Variants in POMT1 observed in about 807,000 individuals in gnomAD.
POMT1 encodes protein O-mannosyl-transferase 1.
In POMT1, 85 loss-of-function variants were observed where a neutral mutation model predicts 101.6. That is an observed-to-expected ratio of 0.84 (90% CI 0.70 to 1.00). The LOEUF is 1.00. Ranked by LOEUF, POMT1 falls within the 50% of genes least tolerant of loss-of-function variation. POMT1 has a pLI of 0.00. For synonymous variants in POMT1, 371 were observed against 383.0 expected, an observed-to-expected ratio of 0.97 and a Z score of 0.37; for missense variants, 857 against 930.4, an observed-to-expected ratio of 0.92 and a Z score of 1.03.
Position 131,509,772 on chromosome 9 carries a change from T to C in POMT1, c.569T>C (p.Leu190Pro). The change falls in exon 7 of 20, where the codon CTA (leucine) becomes CCA (proline). Residue 190 changes from leucine (L) to proline (P), a missense_variant. Physicochemically the swap from Leu to Pro is moderately conservative, Grantham distance 98. Coordinates refer to ENST00000402686, the MANE Select transcript of POMT1 (RefSeq NM_001077365.2). ...SPFSLSWWFWLTLTGVACSCA... is the reference protein window; with the variant it reads ...SPFSLSWWFWPTLTGVACSCA... ...TTTTCTCTGAGCTGGTGGTTCTGGC[T>C]AACACTGACAGGGGTCGCTTGTTCC... The C allele has an allele frequency of 6.2e-7, 1 of 1,614,258 alleles. No homozygotes were observed. The highest frequency in any genetic ancestry group is 8.5e-7 in the Non-Finnish European group (1 of 1,180,040).
intron 13 of POMT1, chr9:131,518,086 G>A (rs1465488423): frequency 1.3e-5 from 5 of 377,742 alleles, no homozygotes; most frequent in South Asian, 2.1e-5. Flanking sequence ...AGCTGTCTGC[G>A]AGTCCTGCCA....
At position 131,519,989 on chromosome 9, in the gene POMT1, C is replaced by CA; in HGVS notation, c.1585-89dup. 1.0e-6 allele frequency: 1 copy of CA among 957,288 alleles called. No homozygotes were observed. Among genetic ancestry groups the CA allele is most frequent in the Admixed American group, 1.9e-5 (1 of 51,858 alleles). 59.3% of individuals were successfully genotyped at this position (957,288 alleles called of 1,614,324 possible). ...AACTTGAGCTGGGCCAGTCCACGTG[C>CA]AAGGGGCAGCAGTGTACTCCTTTGA... On this transcript the variant is annotated intron_variant, in intron 16 of 19. Transcript: ENST00000402686. This position sits in a 1 kb window ranked among gnomAD's most constrained non-coding sequence, Gnocchi z 4.3.
chr9:131,515,439 G>GC lies in POMT1; in HGVS notation c.1195dup (p.Leu399ProfsTer13), dbSNP rs749018170. 1.5e-5 allele frequency: 25 copies of GC among 1,614,036 alleles called. No homozygotes were observed. Among genetic ancestry groups the GC allele is most frequent in the Non-Finnish European group, 1.5e-5 (18 of 1,179,998 alleles). On this transcript the variant is annotated frameshift_variant, in exon 13 of 20. Coordinates refer to ENST00000402686, the MANE Select transcript of POMT1 (RefSeq NM_001077365.2). LOFTEE classifies it high-confidence loss of function. ...TTGGTTTTCCAGGCATGATGTTGCAGCCCCCCTGAGCCCCCATTCACAGGA... is the reference window on the plus strand; with the variant it reads ...TTGGTTTTCCAGGCATGATGTTGCAGCCCCCCCTGAGCCCCCATTCACAGGA...
chr9:131,512,587 A>C (rs933470680), intron 11 of POMT1, among the ~76,000 whole-genome samples: 8 of 152,130 alleles, frequency 5.3e-5, no homozygotes, highest in African/African-American at 1.7e-4. Context: ...CAGCACCTGC[A>C]GCCCGAGTGG....
At position 131,522,316 on chromosome 9, in the gene POMT1, C is replaced by A; in HGVS notation, c.2003+92C>A. Reference sequence around the variant, plus strand: ...CAAACACATGGGGTGCAGCGAACCTCACCCATTTCACGTTACACTGACATC... The same window carrying A: ...CAAACACATGGGGTGCAGCGAACCTAACCCATTTCACGTTACACTGACATC... On this transcript the variant is annotated intron_variant, in intron 19 of 19. Transcript: ENST00000402686. This position sits in a 1 kb window ranked among gnomAD's most constrained non-coding sequence, Gnocchi z 5.5. 1 of 1,578,412 alleles carries A rather than the reference C, an allele frequency of 6.3e-7. No individual in the cohort carries two copies. Among genetic ancestry groups the A allele is most frequent in the South Asian group, 1.1e-5 (1 of 88,752 alleles).
chr9:131,523,399 G>A lies in POMT1; in HGVS notation c.*293G>A, dbSNP rs1027392501. 10 of 408,794 alleles carry A rather than the reference G, an allele frequency of 2.4e-5. No individual in the cohort carries two copies. The highest frequency in any genetic ancestry group is 7.4e-4 in the Middle Eastern group (1 of 1,354). 25.3% of individuals were successfully genotyped at this position (408,794 alleles called of 1,614,324 possible). A position where few individuals can be genotyped will look rare whatever the true frequency, so the allele number is the denominator to read the frequency against. ...TAGGAGTCATTGACAACAAAAAGCC[G>A]AGAACCCAGGGCCAGCAGTGGAGCC... On this transcript the variant is annotated 3_prime_UTR_variant, in exon 20 of 20. Transcript: ENST00000402686.
chr9:131,504,792 T>TG (rs71372738), intron 2 of POMT1, among the ~76,000 whole-genome samples: 5 of 151,112 alleles, frequency 3.3e-5, no homozygotes, highest in African/African-American at 9.7e-5. Context: ...TGTGTGTGTG[T>TG]TTTTGAGACG....
Position 131,523,541 on chromosome 9 carries a change from C to T in POMT1, c.*435C>T, listed in dbSNP as rs758471212. On this transcript the variant is annotated 3_prime_UTR_variant, in exon 20 of 20. Coordinates refer to ENST00000402686, the MANE Select transcript of POMT1 (RefSeq NM_001077365.2). ...GAGCAAGTCCCGGCCCTGCCCTCAG[C>T]GAGCCCGGCAGGCGTCCTGGGACAG... 6 of 268,000 alleles carry T rather than the reference C, an allele frequency of 2.2e-5. No individual in the cohort carries two copies. Among genetic ancestry groups the T allele is most frequent in the Admixed American group, 4.8e-5 (1 of 20,624 alleles). 16.6% of individuals were successfully genotyped at this position (268,000 alleles called of 1,614,324 possible). A position where few individuals can be genotyped will look rare whatever the true frequency, so the allele number is the denominator to read the frequency against.
chr9:131,519,986 G>T lies in POMT1; in HGVS notation c.1585-94G>T. On this transcript the variant is annotated intron_variant, in intron 16 of 19. Transcript: ENST00000402686. The surrounding 1 kb of genome is among the most constrained non-coding windows in gnomAD (Gnocchi z 4.3). The stretch of plus-strand genomic sequence containing the variant: ...ATGAACTTGAGCTGGGCCAGTCCAC[G>T]TGCAAGGGGCAGCAGTGTACTCCTT... 1 of 931,432 alleles carries T rather than the reference G, an allele frequency of 1.1e-6. No homozygotes were observed. 57.7% of individuals were successfully genotyped at this position (931,432 alleles called of 1,614,324 possible).
In POMT1 at chr9:131,509,031, A is replaced by G. The variant is rs964407139; in HGVS notation, c.539+9A>G. 16 of 1,569,416 alleles carry G rather than the reference A, an allele frequency of 1.0e-5. No individual in the cohort carries two copies. The highest frequency in any genetic ancestry group is 1.4e-5 in the Non-Finnish European group (16 of 1,139,708). ...AACTGCCAAAAGCACAGGTATGGAA[A>G]ATGGAGTGTCTTCCTAGTTAACGAG... On this transcript the variant is annotated intron_variant, in intron 6 of 19. Coordinates refer to ENST00000402686, the MANE Select transcript of POMT1 (RefSeq NM_001077365.2).
chr9:131,504,146 C>T lies in POMT1; in HGVS notation c.-30-43C>T. 5.0e-6 allele frequency: 8 copies of T among 1,611,658 alleles called. No individual in the cohort carries two copies. The South Asian group carries it at 7.7e-5, about 16-fold the overall frequency. On this transcript the variant is annotated intron_variant, in intron 1 of 19. Coordinates refer to ENST00000402686, the MANE Select transcript of POMT1 (RefSeq NM_001077365.2). ...TGGCTGGGGATCCCTTCTGTAGCCT[C>T]TCGTGAGCCCTCATGGACCACGGCT... is the stretch of plus-strand genomic sequence containing the variant.
At chr9:131,512,991 G>A (rs1355660100) in intron 11 of POMT1, among the ~76,000 whole-genome samples, 1 of 152,212 alleles carries the variant, frequency 6.6e-6, no homozygotes, top group East Asian at 1.9e-4. Context: ...TGTAGTGTTT[G>A]TAGACAAATT....
At position 131,522,333 on chromosome 9, in the gene POMT1, A is replaced by G. The variant is rs1588505230; in HGVS notation, c.2003+109A>G. On this transcript the variant is annotated intron_variant, in intron 19 of 19. Coordinates refer to ENST00000402686, the MANE Select transcript of POMT1 (RefSeq NM_001077365.2). The surrounding 1 kb of genome is among the most constrained non-coding windows in gnomAD (Gnocchi z 5.5). ...GCGAACCTCACCCATTTCACGTTAC[A>G]CTGACATCCTCCGGGTCCCTCCGGG... 1.9e-6 allele frequency: 3 copies of G among 1,555,228 alleles called. No homozygotes were observed. The highest frequency in any genetic ancestry group is 2.6e-6 in the Non-Finnish European group (3 of 1,154,714).
At chr9:131,512,423 C>T (rs1315763978) in intron 11 of POMT1, among the ~76,000 whole-genome samples, 1 of 152,110 alleles carries the variant, frequency 6.6e-6, no homozygotes, top group African/African-American at 2.4e-5. Flanking sequence ...CCCCCTCCTG[C>T]AAAAGTAGCA....
Position 131,523,021 on chromosome 9 carries a change from C to T in POMT1, c.2093C>T (p.Thr698Ile), listed in dbSNP as rs1471076699. The T allele has an allele frequency of 3.1e-6, 5 of 1,610,584 alleles. No homozygotes were observed. The Admixed American group carries it at 8.3e-5, about 27-fold the overall frequency. ...GTGTCCAACACGCTGCGCCCACTCA[C>T]CTACGGGGACAAGTCACTCTCGCCA... ...CHVSNTLRPL[T>I]YGDKSLSPHE... The change falls in exon 20 of 20, where the codon ACC (threonine) becomes ATC (isoleucine). Residue 698 changes from threonine (T) to isoleucine (I), a missense_variant. Transcript: ENST00000402686.
rs915847277 is a variant in POMT1, at chr9:131,507,356, T to C, written c.281-12T>C. The stretch of plus-strand genomic sequence containing the variant: ...CAGTGTAGTCAGCTCTGCAGTGTGG[T>C]TGCTTTTCCAGAATACAGTAGCAAC... On this transcript the variant is annotated splice_polypyrimidine_tract_variant and intron_variant, in intron 4 of 19. Transcript: ENST00000402686. The C allele has an allele frequency of 3.7e-6, 6 of 1,614,070 alleles. No homozygotes were observed. The highest frequency in any genetic ancestry group is 5.1e-6 in the Non-Finnish European group (6 of 1,180,034).
At chr9:131,504,964 G>C (rs55886418) in intron 2 of POMT1, among the ~76,000 whole-genome samples, 1,524 of 152,150 alleles carry the variant, frequency 0.01, 23 homozygotes, top group Non-Finnish European at 0.013. Context: ...TTTTAGTAGA[G>C]ACGGGATTTC....
rs769392387 is a variant in POMT1 at position 131,506,093 on chromosome 9, GGTT to G, written c.123-14_123-12del. Reference sequence around the variant, plus strand: ...TAAGATTCTAATTGAATATAATATGGGTTGTTGTTTTTTTTTCTAGTTTTGACG... The same window carrying G: ...TAAGATTCTAATTGAATATAATATGGGTTGTTTTTTTTTCTAGTTTTGACG... On this transcript the variant is annotated intron_variant, in intron 2 of 19. Transcript: ENST00000402686. 3.0e-5 allele frequency: 49 copies of G among 1,609,718 alleles called. No individual in the cohort carries two copies. In the East Asian group the frequency reaches 4.0e-4, roughly 13 times the overall value.
rs1262191721 is a variant in POMT1 at position 131,515,532 on chromosome 9, G to C, written c.1272+10G>C. 1 of 1,612,894 alleles carries C rather than the reference G, an allele frequency of 6.2e-7. No individual in the cohort carries two copies. The highest frequency in any genetic ancestry group is 1.7e-4 in the Middle Eastern group (1 of 5,982). On this transcript the variant is annotated intron_variant, in intron 13 of 19. Coordinates refer to ENST00000402686, the MANE Select transcript of POMT1 (RefSeq NM_001077365.2). ...GAACCTCTGGAGACTGGTGAGTAAG[G>C]CTGCGGCTATAGCAGCCACAACCGT...
Sources: gnomAD v4.1 joint callset for allele counts (sites outside exome capture counted in the v4.1 genomes callset) on GRCh38, gnomAD v4.1.1 for gene constraint, Gnocchi (gnomAD v3.1) non-coding constraint, MANE v1.5 for transcripts, NCBI Gene and HGNC (gene_info 2026-07-23, HGNC 2026-07-21) for gene names.